Variants in HPD observed in about 807,000 individuals in gnomAD.
The protein encoded by HPD is 4-hydroxyphenylpyruvic acid oxidase.
In HPD, 35 loss-of-function variants were observed where a neutral mutation model predicts 56.9. The observed-to-expected ratio is 0.62, with a 90% CI of 0.47 to 0.82. HPD has a LOEUF of 0.82. Among genes scored for constraint, HPD ranks in the 40% least tolerant of loss-of-function variants. HPD has a pLI of 0.00. For synonymous variants in HPD, 186 were observed against 200.2 expected, an observed-to-expected ratio of 0.93 and a Z score of 0.60; for missense variants, 442 against 506.8, an observed-to-expected ratio of 0.87 and a Z score of 1.23.
chr12:121,854,625 G>A, intron 7 of HPD, 78 bp downstream of exon 7: 1 of 986,426 alleles, frequency 1.0e-6, no homozygotes, highest in East Asian at 2.4e-5. Context: ...GGGATGGTTT[G>A]ATGGAGTCAG....
intron 7 of HPD, 48 bp from the exon 8 acceptor site, chr12:121,849,838 CCGA>C: frequency 7.9e-7 from 1 of 1,259,874 alleles, no homozygotes; most frequent in Non-Finnish European, 1.2e-6. Context: ...CCCATCCCCG[CCGA>C]GGACAGAGCA....
At chr12:121,861,859 C>A (rs1878182367), upstream of HPD, among the ~76,000 whole-genome samples, 1 of 152,134 alleles carries the variant, frequency 6.6e-6, no homozygotes. Context: ...AGAAGAAAAT[C>A]CTGAATTCAC....
upstream of HPD, among the ~76,000 whole-genome samples, chr12:121,866,442 A>G (rs1486330089): frequency 2.0e-5 from 3 of 151,164 alleles, no homozygotes; most frequent in African/African-American, 4.9e-5. Flanking sequence ...AAAAAACCCC[A>G]CAGTTTACAG....
At chr12:121,856,723 G>A in intron 4 of HPD, 98 bp from the exon 5 acceptor site, 1 of 1,113,026 alleles carries the variant, frequency 9.0e-7, no homozygotes, top group Non-Finnish European at 1.4e-6. Flanking sequence ...CACCCCTGAT[G>A]GAGCACAAGA....
intron 11 of HPD, among the ~76,000 whole-genome samples, chr12:121,845,846 T>C (rs1005033475): frequency 2.0e-5 from 3 of 152,158 alleles, no homozygotes; most frequent in Admixed American, 6.6e-5. Context: ...GAAACTGTTA[T>C]AGGCATGAGC....
intron 2 of HPD, 86 bp downstream of exon 2, chr12:121,858,601 T>G (rs1372980107): frequency 1.5e-6 from 2 of 1,302,890 alleles, no homozygotes; most frequent in Non-Finnish European, 2.2e-6. Flanking sequence ...CTTCCTCTTC[T>G]GCTCTCTGCT....
chr12:121,843,747 G>A lies in HPD; in HGVS notation c.917C>T (p.Ala306Val). Reference sequence around the variant, plus strand: ...AATGTTCTCCTTCACCTTGATCTTGGCCGTCTTCAGCTTCTCCCGCAGTTG... The same window carrying A: ...AATGTTCTCCTTCACCTTGATCTTGACCGTCTTCAGCTTCTCCCGCAGTTG... Reference protein sequence around the residue: ...YKQLREKLKTAKIKVKENIDA... With the variant: ...YKQLREKLKTVKIKVKENIDA... The change falls in exon 12 of 14, where the codon GCC (alanine) becomes GTC (valine). Residue 306 changes from alanine (A) to valine (V), a missense_variant. Coordinates refer to ENST00000289004, the MANE Select transcript of HPD (RefSeq NM_002150.3). The A allele has an allele frequency of 1.2e-6, 2 of 1,614,064 alleles. No individual in the cohort carries two copies. The highest frequency in any genetic ancestry group is 1.7e-6 in the Non-Finnish European group (2 of 1,180,006).
rs774303314 is a variant in HPD at position 121,857,451 on chromosome 12, G to C, written c.94-19C>G. 2 of 1,572,530 alleles carry C rather than the reference G, an allele frequency of 1.3e-6. No individual in the cohort carries two copies. Among genetic ancestry groups the C allele is most frequent in the South Asian group, 1.1e-5 (1 of 90,300 alleles). On this transcript the variant is annotated intron_variant, in intron 3 of 13. Coordinates refer to ENST00000289004, the MANE Select transcript of HPD (RefSeq NM_002150.3). ...ACGTGGCCTGAATCACAGGGTTGCA[G>C]CAGGGTTCATGAGGGTCAAGGGGCC...
At position 121,847,096 on chromosome 12, in the gene HPD, G is replaced by T. The variant is rs1387148840; in HGVS notation, c.715C>A (p.Pro239Thr). The change falls in exon 10 of 14, where the codon CCC (proline) becomes ACC (threonine). Residue 239 changes from proline to threonine, a missense_variant. Coordinates refer to ENST00000289004, the MANE Select transcript of HPD (RefSeq NM_002150.3). ...VANYEESIKM[P>T]INEPAPGKKK... The stretch of plus-strand genomic sequence containing the variant: ...TTGCCAGGCGCTGGCTCATTGATGG[G>T]CATCTTGATGGACTCTTCATAGTTG... 1 of 1,614,036 alleles carries T rather than the reference G, an allele frequency of 6.2e-7. No homozygotes were observed. Among genetic ancestry groups the T allele is most frequent in the African/African-American group, 1.3e-5 (1 of 74,914 alleles).
chr12:121,880,376 A>G, the HPD span, among the ~76,000 whole-genome samples: 1 of 151,956 alleles, frequency 6.6e-6, no homozygotes, highest in Non-Finnish European at 1.5e-5. Flanking sequence ...TTGAATTTTT[A>G]ATAGAGATGG....
chr12:121,857,379 G>C lies in HPD; in HGVS notation c.147C>G (p.Gly49=). The C allele has an allele frequency of 2.5e-6, 4 of 1,614,120 alleles. No homozygotes were observed. In the South Asian group the frequency reaches 4.4e-5, roughly 18 times the overall value. The change falls in exon 4 of 14, where the codon GGC becomes GGG. Residue 49 remains glycine, a synonymous_variant. Coordinates refer to ENST00000289004, the MANE Select transcript of HPD (RefSeq NM_002150.3). ...KMGFEPLAYR[G]LETGSREVVS... ...CCACCTCCCGGGAACCGGTCTCCAG[G>C]CCCCTGTAGGCTAGAGGTTCAAAGC...
At chr12:121,841,183 A>T (rs1877394786) in intron 12 of HPD, among the ~76,000 whole-genome samples, 1 of 149,252 alleles carries the variant, frequency 6.7e-6, no homozygotes, top group Admixed American at 6.7e-5. Context: ...CCTGGGCAAC[A>T]GAGCAAGACT....
chr12:121,843,638 A>G, intron 12 of HPD, 72 bp downstream of exon 12: 1 of 1,584,724 alleles, frequency 6.3e-7, no homozygotes, highest in Non-Finnish European at 8.6e-7. Context: ...GGGCTGAGAC[A>G]ATATTTCTGA....
chr12:121,883,180 T>TTGTGTG, the HPD span, among the ~76,000 whole-genome samples: 761 of 115,408 alleles, frequency 6.6e-3, 2 homozygotes, highest in Admixed American at 0.01. Flanking sequence ...GGAGCATAAG[T>TTGTGTG]TGTGTGTGTG....
In HPD at chr12:121,852,622, C is replaced by CTTTTTTTTT. The variant is rs1176954964; in HGVS notation, c.414+2072_414+2080dup. Among the ~76,000 whole-genome samples, 25 of 70,506 alleles carry CTTTTTTTTT rather than the reference C, an allele frequency of 3.5e-4. 1 individual carries two copies. The highest frequency in any genetic ancestry group is 1.4e-3 in the African/African-American group (23 of 16,192). The allele number at this position is 70,506 out of a possible 152,430, so 46.3% of individuals were successfully genotyped here. On this transcript the variant is annotated intron_variant, in intron 7 of 13. Transcript: ENST00000289004. Reference sequence around the variant, plus strand: ...TATACACAAATGACCTCATTGGATCCTTTTTTTTTTTTTTTTTTTTTTTTT... The same window carrying CTTTTTTTTT: ...TATACACAAATGACCTCATTGGATCCTTTTTTTTTTTTTTTTTTTTTTTTTTTTTTTTTT...
Position 121,849,226 on chromosome 12 carries a change from CT to C in HPD, c.519-151del, listed in dbSNP as rs3832816. The stretch of plus-strand genomic sequence containing the variant: ...TGGAGTCTCTACAAAAAGAGAGACT[CT>C]TTTTTTTGCCCAGGTTGGTCTAAAA... On this transcript the variant is annotated intron_variant, in intron 8 of 13. Transcript: ENST00000289004. 0.84 allele frequency: 512,489 copies of C among 607,764 alleles called. 217,089 individuals carry two copies. The highest frequency in any genetic ancestry group is 0.89 in the Middle Eastern group (2,047 of 2,300). 37.6% of individuals were successfully genotyped at this position (607,764 alleles called of 1,614,324 possible). A position where few individuals can be genotyped will look rare whatever the true frequency, so the allele number is the denominator to read the frequency against.
chr12:121,858,306 T>G (rs1292908719), intron 2 of HPD, among the ~76,000 whole-genome samples: 1 of 152,112 alleles, frequency 6.6e-6, no homozygotes, highest in Non-Finnish European at 1.5e-5. Context: ...CACCTTAGCC[T>G]CCTGAGTAGC....
the HPD span, among the ~76,000 whole-genome samples, chr12:121,871,263 G>A: frequency 6.6e-6 from 1 of 152,028 alleles, no homozygotes; most frequent in Non-Finnish European, 1.5e-5. Flanking sequence ...TGCTCAGGAG[G>A]CTGAGACGGG....
chr12:121,873,180 C>T, the HPD span, among the ~76,000 whole-genome samples: 1 of 152,144 alleles, frequency 6.6e-6, no homozygotes, highest in East Asian at 1.9e-4. Flanking sequence ...TATTTTAAAA[C>T]TCTCTGCAGA....
Sources: gnomAD v4.1 joint callset for allele counts (sites outside exome capture counted in the v4.1 genomes callset) on GRCh38, gnomAD v4.1.1 for gene constraint, MANE v1.5 for transcripts, NCBI Gene and HGNC (gene_info 2026-07-23, HGNC 2026-07-21) for gene names.